SLC38A7: variants seen among roughly 807,000 people sequenced by gnomAD.
The protein encoded by SLC38A7 is sodium-coupled neutral amino acid transporter 7.
A neutral mutation model predicts 50.1 loss-of-function variants in SLC38A7; 29 were observed. That is an observed-to-expected ratio of 0.58 (90% CI 0.43 to 0.79). The LOEUF (loss-of-function observed/expected upper bound fraction) is 0.79. Among genes scored for constraint, SLC38A7 ranks in the 30% least tolerant of loss-of-function variants. The probability of loss-of-function intolerance (pLI) is 0.00; values close to 1 mark genes in which losing one functional copy is unlikely to be tolerated. For synonymous variants in SLC38A7, 244 were observed against 245.9 expected (o/e 0.99, Z 0.07); for missense variants, 483 against 610.6 (o/e 0.79, Z 2.20).
At chr16:58,676,847 G>A (rs1461532098) in intron 6 of SLC38A7, among the ~76,000 whole-genome samples, 4 of 151,876 alleles carry the variant, frequency 2.6e-5, no homozygotes, top group African/African-American at 9.7e-5. Flanking sequence ...GTAGAGACGG[G>A]GTTTCACCGT....
chr16:58,668,643 T>C (rs9673208), intron 11 of SLC38A7, among the ~76,000 whole-genome samples: 85,237 of 139,204 alleles, frequency 0.61, 26,871 homozygotes, highest in African/African-American at 0.83. Context: ...ACCCGGGAGG[T>C]GGAGGTTGTT....
In SLC38A7 at chr16:58,670,133, C is replaced by T. The variant is rs754045767; in HGVS notation, c.1266G>A (p.Met422Ile). 6.1e-5 allele frequency: 99 copies of T among 1,614,034 alleles called. No individual in the cohort carries two copies. The South Asian group carries it at 1.1e-3, about 18-fold the overall frequency. ...LCLIQAKLSE[M>I]EEVKPASWWV... ...TTTACCTGGCTGGTTTGACCTCTTC[C>T]ATCTCAGAGAGTTTGGCTTGAATGA... The change falls in exon 11 of 12, where the codon ATG becomes ATA. Residue 422 changes from methionine (M) to isoleucine (I), a missense_variant. Coordinates refer to ENST00000219320, the MANE Select transcript of SLC38A7 (RefSeq NM_018231.3).
chr16:58,671,619 T>C lies in SLC38A7; in HGVS notation c.1032-375A>G, dbSNP rs888265217. ...CTCTCTCACCCAGGCTGGAGTGCAG[T>C]GGTGCAATCTTGGCTCACTGCAGCC... On this transcript the variant is annotated intron_variant, in intron 9 of 11. Coordinates refer to ENST00000219320, the MANE Select transcript of SLC38A7 (RefSeq NM_018231.3). 68 of 290,092 alleles carry C rather than the reference T, an allele frequency of 2.3e-4. 1 individual carries two copies. Among genetic ancestry groups the C allele is most frequent in the African/African-American group, 1.4e-3 (64 of 46,846 alleles). The allele number at this position is 290,092 out of a possible 1,614,324, so 18.0% of individuals were successfully genotyped here. A position where few individuals can be genotyped will look rare whatever the true frequency, so the allele number is the denominator to read the frequency against.
At chr16:58,673,888 C>T (rs181976598) in intron 8 of SLC38A7, among the ~76,000 whole-genome samples, 44 of 151,008 alleles carry the variant, frequency 2.9e-4, no homozygotes, top group Non-Finnish European at 5.0e-4. Context: ...TGCAGCGGCG[C>T]GATCTTGGCT....
chr16:58,679,993 C>A lies in SLC38A7; in HGVS notation c.134G>T (p.Gly45Val), dbSNP rs1340679489. 3 of 1,612,194 alleles carry A rather than the reference C, an allele frequency of 1.9e-6. No individual in the cohort carries two copies. Among genetic ancestry groups the A allele is most frequent in the African/African-American group, 1.3e-5 (1 of 74,880 alleles). ...TGTGGAAGTGGTGCCTCTGTCCAGA[C>A]CCCCAGGAGAGGCTTCCCACTCACT... ...PKSEWEASPG[G>V]LDRGTTSTLG... Residue 45 changes from glycine (G) to valine (V), a missense_variant, in exon 3 of 12, where the codon GGT becomes GTT. By Grantham distance (109) the Gly-to-Val change is moderately radical (BLOSUM62 -3). Transcript: ENST00000219320.
chr16:58,672,367 C>T, intron 8 of SLC38A7, 124 bp from the exon 9 acceptor site: 1 of 1,067,074 alleles, frequency 9.4e-7, no homozygotes, highest in Middle Eastern at 2.7e-4. Context: ...TAGACGGAGG[C>T]TCAGAGTGGG....
At position 58,678,520 on chromosome 16, in the gene SLC38A7, G is replaced by A. The variant is rs1161254869; in HGVS notation, c.470-46C>T. The A allele has an allele frequency of 1.3e-6, 2 of 1,548,886 alleles. No individual in the cohort carries two copies. Among genetic ancestry groups the A allele is most frequent in the African/African-American group, 2.7e-5 (2 of 73,430 alleles). On this transcript the variant is annotated intron_variant, in intron 4 of 11. Coordinates refer to ENST00000219320, the MANE Select transcript of SLC38A7 (RefSeq NM_018231.3). This position sits in a 1 kb window ranked among gnomAD's most constrained non-coding sequence, Gnocchi z 4.0. ...GAATGTCAAGCCAGGCCACCATGGGGTGTGGCCCTCCTGCTCTGCTGGGCC... is the reference window on the plus strand; with the variant it reads ...GAATGTCAAGCCAGGCCACCATGGGATGTGGCCCTCCTGCTCTGCTGGGCC...
At position 58,675,925 on chromosome 16, in the gene SLC38A7, G is replaced by C. The variant is rs372026967; in HGVS notation, c.883+15C>G. On this transcript the variant is annotated intron_variant, in intron 8 of 11. Coordinates refer to ENST00000219320, the MANE Select transcript of SLC38A7 (RefSeq NM_018231.3). ...AGCACTCTAGTCCCAGGTCTTGGGGGGGGGGAGCACTCACCTGTCCCCATG... is the reference window on the plus strand; with the variant it reads ...AGCACTCTAGTCCCAGGTCTTGGGGCGGGGGAGCACTCACCTGTCCCCATG... The C allele has an allele frequency of 4.0e-5, 64 of 1,589,294 alleles. 2 individuals are homozygous for C. In the South Asian group the frequency reaches 5.2e-4, roughly 13 times the overall value.
Position 58,671,433 on chromosome 16 carries a change from A to T in SLC38A7, c.1032-189T>A, listed in dbSNP as rs1050688597. ...CAGGGACTAGAGACGGTGAATGTCGAGAGCTTAGCACTTTGCTTTACATCA... is the reference window on the plus strand; with the variant it reads ...CAGGGACTAGAGACGGTGAATGTCGTGAGCTTAGCACTTTGCTTTACATCA... On this transcript the variant is annotated intron_variant, in intron 9 of 11. Transcript: ENST00000219320. 13 of 609,954 alleles carry T rather than the reference A, an allele frequency of 2.1e-5. No individual in the cohort carries two copies. The East Asian group carries it at 3.6e-4, about 17-fold the overall frequency. 37.8% of individuals were successfully genotyped at this position (609,954 alleles called of 1,614,324 possible).
Position 58,677,307 on chromosome 16 carries a change from C to T in SLC38A7, c.710+19G>A, listed in dbSNP as rs1340200341. On this transcript the variant is annotated intron_variant, in intron 6 of 11. Transcript: ENST00000219320. ...AGTGGTGGCTTCTTCCCCATGTCTC[C>T]TAGGGCCCTCACCCTCACCTGGTCA... The T allele has an allele frequency of 1.9e-6, 3 of 1,610,518 alleles. No individual in the cohort carries two copies. The highest frequency in any genetic ancestry group is 2.5e-6 in the Non-Finnish European group (3 of 1,176,850).
At chr16:58,669,662 A>T (rs2152074717) in intron 11 of SLC38A7, among the ~76,000 whole-genome samples, 1 of 147,888 alleles carries the variant, frequency 6.8e-6, no homozygotes, top group East Asian at 2.1e-4. Context: ...CCGAATTTTT[A>T]AAAGTATTAA....
intron 8 of SLC38A7, among the ~76,000 whole-genome samples, chr16:58,674,856 C>CAA (rs2044231420): frequency 6.6e-6 from 1 of 152,032 alleles, no homozygotes; most frequent in Non-Finnish European, 1.5e-5. Context: ...GTCTCCTAGA[C>CAA]TTGCTCCCTC....
Position 58,680,814 on chromosome 16 carries a change from C to T in SLC38A7, c.-115-573G>A, listed in dbSNP as rs187570245. 3.5e-4 allele frequency among the ~76,000 whole-genome samples: 54 copies of T among 152,294 alleles called. 1 individual carries two copies. Among genetic ancestry groups the T allele is most frequent in the African/African-American group, 1.3e-3 (52 of 41,566 alleles). ...TCGAAATTCAGGCCAATTCTCGACTCTTCTCTCATGTGACAAGCCCCCATG... is the reference window on the plus strand; with the variant it reads ...TCGAAATTCAGGCCAATTCTCGACTTTTCTCTCATGTGACAAGCCCCCATG... On this transcript the variant is annotated intron_variant, in intron 2 of 11. Coordinates refer to ENST00000219320, the MANE Select transcript of SLC38A7 (RefSeq NM_018231.3).
chr16:58,678,747 A>C lies in SLC38A7; in HGVS notation c.418T>G (p.Phe140Val), dbSNP rs1409685571. 1.2e-6 allele frequency: 2 copies of C among 1,614,190 alleles called. No individual in the cohort carries two copies. The highest frequency in any genetic ancestry group is 2.2e-5 in the South Asian group (2 of 91,082). The change falls in exon 4 of 12, where the codon TTT becomes GTT. Residue 140 changes from phenylalanine to valine, a missense_variant. Physicochemically the swap from Phe to Val is conservative, Grantham distance 50. Transcript: ENST00000219320. This position sits in a 1 kb window ranked among gnomAD's most constrained non-coding sequence, Gnocchi z 4.0. ...ATTAGGAAGGCAATGCAGGTGCCAAAGGTGTAGACAGCGATGGCCACCTCA... is the reference window on the plus strand; with the variant it reads ...ATTAGGAAGGCAATGCAGGTGCCAACGGTGTAGACAGCGATGGCCACCTCA... ...LCEVAIAVYT[F>V]GTCIAFLIII...
At position 58,679,898 on chromosome 16, in the gene SLC38A7, T is replaced by C. The variant is rs1462452458; in HGVS notation, c.229A>G (p.Ser77Gly). 1.2e-6 allele frequency: 2 copies of C among 1,613,566 alleles called. No individual in the cohort carries two copies. The highest frequency in any genetic ancestry group is 2.2e-5 in the East Asian group (1 of 44,888). ...AGLLNFPAAF[S>G]TAGGVAAGIA... ...CCTGCTGCCACGCCCCCCGCAGTGC[T>C]GAAGGCTGCTGGGAAGTTGAGTAAC... The change falls in exon 3 of 12, where the codon AGC becomes GGC. Residue 77 changes from serine (S) to glycine (G), a missense_variant. Physicochemically the swap from Ser to Gly is moderately conservative, Grantham distance 56. Transcript: ENST00000219320.
chr16:58,668,760 GA>G (rs2044097091), intron 11 of SLC38A7, among the ~76,000 whole-genome samples: 1 of 146,912 alleles, frequency 6.8e-6, no homozygotes, highest in Non-Finnish European at 1.5e-5. Flanking sequence ...AATAAAGGGT[GA>G]TTTTTTTTCT....
rs369443312 is a variant in SLC38A7, at chr16:58,667,288, A to G, written c.*97T>C. On this transcript the variant is annotated 3_prime_UTR_variant, in exon 12 of 12. Coordinates refer to ENST00000219320, the MANE Select transcript of SLC38A7 (RefSeq NM_018231.3). ...GAGGATGTCCGGATGTCATCCCACC[A>G]GTTGGAATGATCGTGGACTAAGAAT... 422 of 1,256,366 alleles carry G rather than the reference A, an allele frequency of 3.4e-4. No individual in the cohort carries two copies. The African/African-American group carries it at 5.5e-3, about 16-fold the overall frequency. The allele number at this position is 1,256,366 out of a possible 1,614,324, so 77.8% of individuals were successfully genotyped here.
chr16:58,667,448 G>C lies in SLC38A7; in HGVS notation c.1326C>G (p.Thr442=), dbSNP rs1162290735. Residue 442 remains threonine, a synonymous_variant, in exon 12 of 12, where the codon ACC becomes ACG. Transcript: ENST00000219320. ...VLVSYGVLLV[T]LGAFIFGQTT... ...TCTGGCCGAAGATGAAGGCTCCCAG[G>C]GTGACCAAGAGGACTCCGTAGCTGA... 6.2e-7 allele frequency: 1 copy of C among 1,613,802 alleles called. No individual in the cohort carries two copies. Among genetic ancestry groups the C allele is most frequent in the Non-Finnish European group, 8.5e-7 (1 of 1,179,914 alleles).
chr16:58,678,202 T>A lies in SLC38A7; in HGVS notation c.611+131A>T. 1 of 1,063,178 alleles carries A rather than the reference T, an allele frequency of 9.4e-7. No individual in the cohort carries two copies. The highest frequency in any genetic ancestry group is 1.3e-6 in the Non-Finnish European group (1 of 766,942). 65.9% of individuals were successfully genotyped at this position (1,063,178 alleles called of 1,614,324 possible). On this transcript the variant is annotated intron_variant, in intron 5 of 11. Transcript: ENST00000219320. The surrounding 1 kb of genome is among the most constrained non-coding windows in gnomAD (Gnocchi z 4.0). ...TTATCTGAAACCCTGCAAGCCCCGG[T>A]CTGCCCTGCCTTGCCTACTCTTGCT...
Sources: allele counts gnomAD v4.1 joint callset (sites outside exome capture counted in the v4.1 genomes callset), GRCh38; gene constraint gnomAD v4.1.1; non-coding constraint Gnocchi (gnomAD v3.1); transcripts MANE v1.5; gene names NCBI Gene and HGNC (gene_info 2026-07-23, HGNC 2026-07-21).